LARP4B: variants seen among roughly 807,000 people sequenced by gnomAD.
The protein encoded by LARP4B is la-related protein 4B.
A neutral mutation model predicts 89.8 loss-of-function variants in LARP4B; 12 were observed. That is an observed-to-expected ratio of 0.13 (90% CI 0.09 to 0.22). LARP4B has a LOEUF of 0.22. Ranked by LOEUF, LARP4B falls within the 10% of genes least tolerant of loss-of-function variation. The pLI is 1.00. For synonymous variants in LARP4B, 367 were observed against 363.3 expected (o/e 1.01, Z -0.12); for missense variants, 757 against 947.7 (o/e 0.80, Z 2.64).
chr10:934,703 AGATCAG>A (rs1311050191), upstream of LARP4B, among the ~76,000 whole-genome samples: 1 of 152,152 alleles, frequency 6.6e-6, no homozygotes, highest in Non-Finnish European at 1.5e-5. Context: ...TCCTTAGACA[AGATCAG>A]TTTTTTAAAA....
In LARP4B at chr10:814,612, C is replaced by T. The variant is rs1262987948; in HGVS notation, c.1929+130G>A. ...GGTATTTTGTACAGAAAACACAACA[C>T]AGACAGACGCAAATAAAAACCCACC... On this transcript the variant is annotated intron_variant, in intron 17 of 17. Coordinates refer to ENST00000316157, the MANE Select transcript of LARP4B (RefSeq NM_015155.3). The surrounding 1 kb of genome is among the most constrained non-coding windows in gnomAD (Gnocchi z 4.4). 2 of 1,540,308 alleles carry T rather than the reference C, an allele frequency of 1.3e-6. No individual in the cohort carries two copies. Among genetic ancestry groups the T allele is most frequent in the Non-Finnish European group, 1.8e-6 (2 of 1,138,310 alleles).
the LARP4B span, among the ~76,000 whole-genome samples, chr10:968,365 T>G: frequency 2.6e-5 from 4 of 152,202 alleles, no homozygotes; most frequent in Non-Finnish European, 5.9e-5. Flanking sequence ...TTCTTAGAGA[T>G]AGTTTCCAAA....
Position 917,643 on chromosome 10 carries a change from G to A in LARP4B, c.-40+13785C>T, listed in dbSNP as rs79947092. ...CAATCTTACTTTCTGACAAGCCCAG[G>A]AACCTCAAGATATTTTGCGACCTCA... On this transcript the variant is annotated intron_variant, in intron 1 of 17. Coordinates refer to ENST00000316157, the MANE Select transcript of LARP4B (RefSeq NM_015155.3). 8.6e-3 allele frequency among the ~76,000 whole-genome samples: 1,315 copies of A among 152,268 alleles called. 11 individuals are homozygous for A. The highest frequency in any genetic ancestry group is 0.03 in the African/African-American group (1,263 of 41,546).
At chr10:880,699 A>T (rs576364653) in intron 3 of LARP4B, among the ~76,000 whole-genome samples, 1 of 152,154 alleles carries the variant, frequency 6.6e-6, no homozygotes, top group African/African-American at 2.4e-5. Flanking sequence ...AAAAAAAAAA[A>T]ATCATTCTGA....
intron 7 of LARP4B, 114 bp downstream of exon 7, chr10:842,818 T>A: frequency 1.1e-6 from 1 of 918,132 alleles, no homozygotes; most frequent in Non-Finnish European, 1.6e-6. Flanking sequence ...CAGAAAAGAA[T>A]CTGATTCGCC....
intron 3 of LARP4B, among the ~76,000 whole-genome samples, chr10:870,969 C>G (rs528927417): frequency 6.6e-6 from 1 of 152,316 alleles, no homozygotes; most frequent in Non-Finnish European, 1.5e-5. Flanking sequence ...TGATTAGTTT[C>G]AAAATCAGCG....
intron 1 of LARP4B, among the ~76,000 whole-genome samples, chr10:930,789 C>G (rs1428003650): frequency 1.3e-5 from 2 of 152,196 alleles, no homozygotes; most frequent in Non-Finnish European, 2.9e-5. Context: ...CACCGAGCAA[C>G]AGGATCCCAA....
intron 1 of LARP4B, among the ~76,000 whole-genome samples, chr10:924,600 G>C (rs138828406): frequency 8.5e-5 from 13 of 152,284 alleles, no homozygotes; most frequent in African/African-American, 2.9e-4. Context: ...TCTTCCTTCA[G>C]CCTTGTTCAC....
chr10:951,600 G>A, the LARP4B span, among the ~76,000 whole-genome samples: 1 of 152,066 alleles, frequency 6.6e-6, no homozygotes, highest in Non-Finnish European at 1.5e-5. Flanking sequence ...TGTCCACTTT[G>A]CCAGGAACTT....
At chr10:963,891 T>C in the LARP4B span, among the ~76,000 whole-genome samples, 2 of 152,160 alleles carry the variant, frequency 1.3e-5, no homozygotes, top group Non-Finnish European at 2.9e-5. Context: ...AACCCCCATA[T>C]GGCCCCACCT....
chr10:914,696 G>A (rs1836769951), intron 1 of LARP4B, among the ~76,000 whole-genome samples: 2 of 150,524 alleles, frequency 1.3e-5, no homozygotes, highest in South Asian at 4.2e-4. Context: ...TCGAGAGGCT[G>A]AGGCAAGAGA....
chr10:875,303 T>A (rs761305141), intron 3 of LARP4B, among the ~76,000 whole-genome samples: 31 of 152,194 alleles, frequency 2.0e-4, no homozygotes, highest in South Asian at 2.1e-4. Flanking sequence ...AACACCGACA[T>A]CTATTTCAAA....
intron 1 of LARP4B, among the ~76,000 whole-genome samples, chr10:893,477 A>G (rs1379918166): frequency 6.6e-6 from 1 of 152,196 alleles, no homozygotes; most frequent in Non-Finnish European, 1.5e-5. Context: ...GTAACTTTTT[A>G]AACTACAGTA....
the LARP4B span, among the ~76,000 whole-genome samples, chr10:974,860 C>G: frequency 6.6e-6 from 1 of 152,220 alleles, no homozygotes; most frequent in African/African-American, 2.4e-5. Context: ...GTCACTGTTG[C>G]ACAGACGCTC....
chr10:829,233 G>T, intron 11 of LARP4B, 152 bp downstream of exon 11: 1 of 682,716 alleles, frequency 1.5e-6, no homozygotes, highest in Non-Finnish European at 2.4e-6. Flanking sequence ...TCTGTTCTCA[G>T]CTACATTTAA....
At chr10:842,151 C>T (rs990908817) in intron 7 of LARP4B, among the ~76,000 whole-genome samples, 4 of 152,090 alleles carry the variant, frequency 2.6e-5, no homozygotes, top group Non-Finnish European at 5.9e-5. Context: ...TGCTTAAACA[C>T]TGTTTGATGT....
At chr10:839,140 C>T (rs1207156094) in intron 7 of LARP4B, among the ~76,000 whole-genome samples, 4 of 152,232 alleles carry the variant, frequency 2.6e-5, no homozygotes, top group African/African-American at 9.6e-5. Context: ...ACTCAGAGGA[C>T]GTTTAGGTCA....
At chr10:825,441 T>C (rs1413137294) in intron 12 of LARP4B, 125 bp from the exon 13 acceptor site, 1 of 918,390 alleles carries the variant, frequency 1.1e-6, no homozygotes, top group African/African-American at 1.7e-5. Flanking sequence ...AAAAATAGGA[T>C]TTGGAATGGT....
rs1028113943 is a variant in LARP4B at position 815,125 on chromosome 10, G to T, written c.1696-55C>A. The T allele has an allele frequency of 2.7e-6, 4 of 1,502,564 alleles. No individual in the cohort carries two copies. In the Admixed American group the frequency reaches 6.8e-5, roughly 26 times the overall value. 93.1% of individuals were successfully genotyped at this position (1,502,564 alleles called of 1,614,324 possible). ...GTCCTGCCGGCACTAAGCGGAGCTGGTACCAGTGCCCGTTCACCCCACCCG... is the reference window on the plus strand; with the variant it reads ...GTCCTGCCGGCACTAAGCGGAGCTGTTACCAGTGCCCGTTCACCCCACCCG... On this transcript the variant is annotated intron_variant, in intron 15 of 17. Coordinates refer to ENST00000316157, the MANE Select transcript of LARP4B (RefSeq NM_015155.3).
Sources: gnomAD v4.1 joint callset for allele counts (sites outside exome capture counted in the v4.1 genomes callset) on GRCh38, gnomAD v4.1.1 for gene constraint, Gnocchi (gnomAD v3.1) non-coding constraint, MANE v1.5 for transcripts, NCBI Gene and HGNC (gene_info 2026-07-23, HGNC 2026-07-21) for gene names.